USP39: variants seen among roughly 807,000 people sequenced by gnomAD.
USP39 encodes ubiquitin carboxyl-terminal hydrolase 39.
Under a neutral mutation model 66.4 loss-of-function variants are expected in USP39, and 38 were observed. That is an observed-to-expected ratio of 0.57 (90% confidence interval 0.44 to 0.75). The LOEUF is 0.75. Among genes scored for constraint, USP39 ranks in the 30% least tolerant of loss-of-function variants. USP39 has a pLI of 0.00. For synonymous variants in USP39, 303 were observed against 274.6 expected, an observed-to-expected ratio of 1.10 and a Z score of -1.02; for missense variants, 608 against 714.4, an observed-to-expected ratio of 0.85 and a Z score of 1.70.
intron 7 of USP39, 109 bp from the exon 8 acceptor site, chr2:85,637,260 T>C: frequency 8.6e-7 from 1 of 1,164,576 alleles, no homozygotes; most frequent in African/African-American, 1.5e-5. Flanking sequence ...GAGCTCTGTG[T>C]CTTTTGCTGG....
chr2:85,620,119 A>G (rs894997700), intron 2 of USP39, among the ~76,000 whole-genome samples: 1 of 151,426 alleles, frequency 6.6e-6, no homozygotes, highest in Non-Finnish European at 1.5e-5. Flanking sequence ...TGGCCTCCCA[A>G]AGTGCTGGGA....
intron 5 of USP39, among the ~76,000 whole-genome samples, chr2:85,628,874 C>A (rs1573416281): frequency 6.6e-6 from 1 of 152,252 alleles, no homozygotes; most frequent in South Asian, 2.1e-4. Context: ...TCTCTGTGTT[C>A]TGAGTTGTCT....
chr2:85,644,292 T>TA (rs1383802389), intron 10 of USP39, among the ~76,000 whole-genome samples: 1 of 152,210 alleles, frequency 6.6e-6, no homozygotes, highest in East Asian at 1.9e-4. Context: ...TCTTTTTTTT[T>TA]ATTTTACCTT....
At chr2:85,647,821 T>A in intron 11 of USP39, 109 bp from the exon 12 acceptor site, 1 of 862,342 alleles carries the variant, frequency 1.2e-6, no homozygotes, top group Non-Finnish European at 1.8e-6. Context: ...TGCTGGATGA[T>A]GTCTAGTGGC....
intron 4 of USP39, among the ~76,000 whole-genome samples, chr2:85,625,298 G>A (rs1340521809): frequency 1.3e-5 from 2 of 152,142 alleles, no homozygotes; most frequent in Non-Finnish European, 2.9e-5. Flanking sequence ...ACCTGAGGTC[G>A]GCGAAAAGAC....
At chr2:85,647,376 T>C (rs559274756) in intron 11 of USP39, among the ~76,000 whole-genome samples, 5 of 152,142 alleles carry the variant, frequency 3.3e-5, no homozygotes, top group Admixed American at 2.0e-4. Context: ...TCAGACTCCA[T>C]TGTACTTCAA....
At chr2:85,629,621 T>G (rs1041802072) in intron 5 of USP39, among the ~76,000 whole-genome samples, 28 of 149,512 alleles carry the variant, frequency 1.9e-4, no homozygotes, top group Non-Finnish European at 3.7e-4. Flanking sequence ...CTCAGCCTCC[T>G]GAGTAGCTGG....
chr2:85,617,349 G>A (rs1674071331), intron 1 of USP39, among the ~76,000 whole-genome samples: 1 of 152,200 alleles, frequency 6.6e-6, no homozygotes, highest in South Asian at 2.1e-4. Context: ...TATGGATTAT[G>A]TAGCACTTTT....
intron 11 of USP39, among the ~76,000 whole-genome samples, chr2:85,645,573 C>A (rs575920273): frequency 6.6e-6 from 1 of 152,098 alleles, no homozygotes; most frequent in East Asian, 1.9e-4. Flanking sequence ...TGAGCCACCG[C>A]GCCAACCGGG....
chr2:85,612,338 G>A, upstream of USP39: 1 of 1,536,148 alleles, frequency 6.5e-7, no homozygotes. Flanking sequence ...GCTTACGGCG[G>A]TGCCTTCCCA....
At chr2:85,621,960 C>G (rs1674498815) in intron 3 of USP39, among the ~76,000 whole-genome samples, 1 of 152,098 alleles carries the variant, frequency 6.6e-6, no homozygotes, top group Non-Finnish European at 1.5e-5. Flanking sequence ...GCTGAGATTA[C>G]AGGCGCCTGC....
chr2:85,611,529 G>A, upstream of USP39: 2 of 1,551,026 alleles, frequency 1.3e-6, no homozygotes, highest in Non-Finnish European at 1.7e-6. Context: ...GGAGATTTGG[G>A]AGCGCTGAGG....
rs1573459048 is a variant in USP39 at position 85,648,867 on chromosome 2, C to T, written c.*59C>T. On this transcript the variant is annotated 3_prime_UTR_variant, in exon 13 of 13. Coordinates refer to ENST00000323701, the MANE Select transcript of USP39 (RefSeq NM_006590.4). Reference sequence around the variant, plus strand: ...TGGCTGATGATGGTAAATAAGAACACAGAAGCTGTAGCTGAACACAGGCTG... The same window carrying T: ...TGGCTGATGATGGTAAATAAGAACATAGAAGCTGTAGCTGAACACAGGCTG... 1.6e-5 allele frequency: 25 copies of T among 1,601,354 alleles called. No homozygotes were observed. The East Asian group carries it at 5.6e-4, about 36-fold the overall frequency.
rs773376009 is a variant in USP39 at position 85,616,446 on chromosome 2, C to T, written c.251C>T (p.Pro84Leu). Reference protein sequence around the residue: ...REREVDEDSEPEREVRAKNGR... With the variant: ...REREVDEDSELEREVRAKNGR... ...CGCGAGGTCGATGAGGACTCGGAGCCTGAGCGGGAGGTGCGAGGTGCGCGG... is the reference window on the plus strand; with the variant it reads ...CGCGAGGTCGATGAGGACTCGGAGCTTGAGCGGGAGGTGCGAGGTGCGCGG... The change falls in exon 1 of 13, where the codon CCT becomes CTT. Residue 84 changes from proline to leucine, a missense_variant. By Grantham distance (98) the Pro-to-Leu change is moderately conservative. Coordinates refer to ENST00000323701, the MANE Select transcript of USP39 (RefSeq NM_006590.4). 1.9e-6 allele frequency: 3 copies of T among 1,561,894 alleles called. No individual in the cohort carries two copies. Among genetic ancestry groups the T allele is most frequent in the East Asian group, 2.4e-5 (1 of 42,206 alleles).
At chr2:85,609,624 G>T (rs200523901), upstream of USP39, 88 of 1,611,966 alleles carry the variant, frequency 5.5e-5, no homozygotes, top group East Asian at 1.4e-3. Flanking sequence ...AAGAGGGGGG[G>T]TGCTGCTGAA....
chr2:85,637,340 A>G lies in USP39; in HGVS notation c.1028-29A>G. The G allele has an allele frequency of 6.2e-6, 10 of 1,613,068 alleles. 1 individual carries two copies. Among genetic ancestry groups the G allele is most frequent in the Non-Finnish European group, 8.5e-6 (10 of 1,179,066 alleles). Reference sequence around the variant, plus strand: ...TCAGACATGTTTTCCATCCTCACGGAATTTGTCTCTTGCTTCCTGTTTGTG... The same window carrying G: ...TCAGACATGTTTTCCATCCTCACGGGATTTGTCTCTTGCTTCCTGTTTGTG... On this transcript the variant is annotated intron_variant, in intron 7 of 12. Coordinates refer to ENST00000323701, the MANE Select transcript of USP39 (RefSeq NM_006590.4).
chr2:85,605,222 A>G (rs1337161264), intron 1 of USP39, among the ~76,000 whole-genome samples: 1 of 152,190 alleles, frequency 6.6e-6, no homozygotes, highest in Non-Finnish European at 1.5e-5. Context: ...CCCCAAGTAC[A>G]CAAGTTATTT....
upstream of USP39, among the ~76,000 whole-genome samples, chr2:85,613,098 G>C (rs1397447535): frequency 6.6e-6 from 1 of 152,084 alleles, no homozygotes; most frequent in African/African-American, 2.4e-5. Context: ...AGTGGCTCAT[G>C]TCTGTAATTC....
At chr2:85,613,772 ATTT>A (rs201185317), upstream of USP39, among the ~76,000 whole-genome samples, 2 of 151,384 alleles carry the variant, frequency 1.3e-5, no homozygotes, top group Non-Finnish European at 3.0e-5. Flanking sequence ...GATTCTTTAA[ATTT>A]TTTTTTATTT....
Sources: allele counts gnomAD v4.1 joint callset (sites outside exome capture counted in the v4.1 genomes callset), GRCh38; gene constraint gnomAD v4.1.1; transcripts MANE v1.5; gene names NCBI Gene and HGNC (gene_info 2026-07-23, HGNC 2026-07-21).